ARNT2: variants seen among roughly 807,000 people sequenced by gnomAD.
ARNT2 encodes the protein aryl hydrocarbon receptor nuclear translocator 2.
ARNT2 carries 36 observed loss-of-function variants against 91.7 expected under a neutral mutation model. The ratio of observed to expected loss-of-function variants is 0.39; its 90% CI spans 0.30 to 0.52. ARNT2 has a LOEUF of 0.52. Among genes scored for constraint, ARNT2 ranks in the 20% least tolerant of loss-of-function variants. The probability of loss-of-function intolerance (pLI) is 0.72; values close to 1 mark genes in which losing one functional copy is unlikely to be tolerated. For synonymous variants in ARNT2, 365 were observed against 347.1 expected, an observed-to-expected ratio of 1.05 and a Z score of -0.57; for missense variants, 775 against 939.3, an observed-to-expected ratio of 0.83 and a Z score of 2.29.
At chr15:80,453,859 C>T (rs573762783) in intron 2 of ARNT2, among the ~76,000 whole-genome samples, 2 of 152,294 alleles carry the variant, frequency 1.3e-5, no homozygotes, top group South Asian at 4.1e-4. Flanking sequence ...TTCCCACACC[C>T]CCATTCCTTG....
In ARNT2 at chr15:80,532,529, C is replaced by T. The variant is rs1000975483; in HGVS notation, c.877+18124C>T. Among the ~76,000 whole-genome samples, 8 of 152,056 alleles carry T rather than the reference C, an allele frequency of 5.3e-5. No homozygotes were observed. In the East Asian group the frequency reaches 9.6e-4, roughly 18 times the overall value. ...GAAGAGGAGCTCAGCTGATGTGCTC[C>T]GAATAGTCCTCTCCAAAGGACAGAT... On this transcript the variant is annotated intron_variant, in intron 8 of 18. Coordinates refer to ENST00000303329, the MANE Select transcript of ARNT2 (RefSeq NM_014862.4).
At chr15:80,512,803 C>G (rs961703240) in intron 6 of ARNT2, among the ~76,000 whole-genome samples, 1 of 152,224 alleles carries the variant, frequency 6.6e-6, no homozygotes, top group South Asian at 2.1e-4. Context: ...CTTCCCTGCC[C>G]TAGTGTCCTT....
intron 1 of ARNT2, among the ~76,000 whole-genome samples, chr15:80,435,688 G>C (rs1896075494): frequency 6.6e-6 from 1 of 152,206 alleles, no homozygotes; most frequent in African/African-American, 2.4e-5. Flanking sequence ...GAAGTGGGAG[G>C]CGTGTGGGCT....
chr15:80,432,328 C>A (rs919097276), intron 1 of ARNT2, among the ~76,000 whole-genome samples: 4 of 152,100 alleles, frequency 2.6e-5, no homozygotes, highest in African/African-American at 9.7e-5. Context: ...CAGAGGTTGG[C>A]AAATTATGGC....
In ARNT2 at chr15:80,520,184, C is replaced by T. The variant is rs144931295; in HGVS notation, c.877+5779C>T. Among the ~76,000 whole-genome samples, 294 of 152,032 alleles carry T rather than the reference C, an allele frequency of 1.9e-3. 1 individual carries two copies. Among genetic ancestry groups the T allele is most frequent in the Non-Finnish European group, 3.3e-3 (223 of 67,980 alleles). On this transcript the variant is annotated intron_variant, in intron 8 of 18. Coordinates refer to ENST00000303329, the MANE Select transcript of ARNT2 (RefSeq NM_014862.4). ...TCTGTATTCTGAAGATAAAAATGGA[C>T]AATAAACAAGATGCATAATCAAATA... is the stretch of plus-strand genomic sequence containing the variant.
chr15:80,450,130 G>A (rs761248380), intron 1 of ARNT2, among the ~76,000 whole-genome samples: 4 of 152,170 alleles, frequency 2.6e-5, no homozygotes, highest in Admixed American at 2.0e-4. Context: ...TGACCTTAAC[G>A]AGCTTCCAAA....
chr15:80,500,587 C>T (rs1897177841), intron 5 of ARNT2, among the ~76,000 whole-genome samples: 1 of 152,174 alleles, frequency 6.6e-6, no homozygotes, highest in East Asian at 1.9e-4. Context: ...TAAAAAGTTA[C>T]TACCGACCAA....
intron 8 of ARNT2, among the ~76,000 whole-genome samples, chr15:80,529,298 G>A (rs1897697721): frequency 1.3e-5 from 2 of 152,128 alleles, no homozygotes; most frequent in African/African-American, 4.8e-5. Flanking sequence ...TTGGAGGGAC[G>A]GGTAGTTACT....
At chr15:80,440,200 G>T (rs945782514) in intron 1 of ARNT2, among the ~76,000 whole-genome samples, 6 of 152,138 alleles carry the variant, frequency 3.9e-5, no homozygotes, top group Admixed American at 2.0e-4. Flanking sequence ...TCTTCTGATG[G>T]TCTGCGGCTT....
intron 5 of ARNT2, among the ~76,000 whole-genome samples, chr15:80,485,682 G>A (rs74029811): frequency 0.023 from 3,461 of 152,266 alleles, 102 homozygotes; most frequent in East Asian, 0.13. Context: ...ATGGTGAAGC[G>A]TGGGGAGAGG....
chr15:80,582,357 G>A (rs960270227), intron 17 of ARNT2, among the ~76,000 whole-genome samples: 1 of 151,388 alleles, frequency 6.6e-6, no homozygotes, highest in Admixed American at 6.6e-5. Context: ...TTAGCCAGGT[G>A]TTGTGGTGCA....
chr15:80,415,420 A>T (rs892723536), intron 1 of ARNT2, among the ~76,000 whole-genome samples: 2 of 152,242 alleles, frequency 1.3e-5, no homozygotes, highest in African/African-American at 4.8e-5. Context: ...AGAGTCGGCC[A>T]TTTATTAAAT....
In ARNT2 at chr15:80,519,180, G is replaced by A. The variant is rs565891055; in HGVS notation, c.877+4775G>A. Among the ~76,000 whole-genome samples the A allele has an allele frequency of 3.9e-5, 6 of 152,296 alleles. No individual in the cohort carries two copies. The East Asian group carries it at 1.2e-3, about 29-fold the overall frequency. Reference sequence around the variant, plus strand: ...ATGTAAATCAGTGAAAATGACCACGGCAAGTCTCAATCATTTTAGGAGATT... The same window carrying A: ...ATGTAAATCAGTGAAAATGACCACGACAAGTCTCAATCATTTTAGGAGATT... On this transcript the variant is annotated intron_variant, in intron 8 of 18. Transcript: ENST00000303329.
chr15:80,513,146 A>G (rs751034484), intron 6 of ARNT2, among the ~76,000 whole-genome samples: 3 of 152,224 alleles, frequency 2.0e-5, no homozygotes, highest in Non-Finnish European at 4.4e-5. Context: ...GGAAATGGAA[A>G]TGCACATAAA....
At chr15:80,538,749 A>G (rs975571439) in intron 8 of ARNT2, among the ~76,000 whole-genome samples, 4 of 152,160 alleles carry the variant, frequency 2.6e-5, no homozygotes, top group Non-Finnish European at 5.9e-5. Context: ...AAGTAAAAAT[A>G]AGAAAAATTA....
intron 3 of ARNT2, among the ~76,000 whole-genome samples, chr15:80,460,174 G>A (rs1449312363): frequency 6.6e-6 from 1 of 152,226 alleles, no homozygotes; most frequent in Admixed American, 6.5e-5. Flanking sequence ...AATCTAGGCA[G>A]GGTGCTGTGC....
chr15:80,538,599 G>A (rs963277273), intron 8 of ARNT2, among the ~76,000 whole-genome samples: 4 of 152,156 alleles, frequency 2.6e-5, no homozygotes. Flanking sequence ...ACAATGTTTA[G>A]AGGAAACCTG....
chr15:80,514,774 T>C (rs1008860772), intron 8 of ARNT2, among the ~76,000 whole-genome samples: 4 of 152,212 alleles, frequency 2.6e-5, no homozygotes, highest in Admixed American at 6.5e-5. Context: ...TCGTCCCAGC[T>C]ACTTCGGAGG....
chr15:80,560,287 A>G (rs1898310427), intron 11 of ARNT2: 2 of 152,342 alleles, frequency 1.3e-5, no homozygotes, highest in African/African-American at 4.8e-5. Context: ...GGATTTATGC[A>G]AAGGGCTTTG....
Sources: gnomAD v4.1 joint callset for allele counts (sites outside exome capture counted in the v4.1 genomes callset) on GRCh38, gnomAD v4.1.1 for gene constraint, MANE v1.5 for transcripts, NCBI Gene and HGNC (gene_info 2026-07-23, HGNC 2026-07-21) for gene names.